The following PIK3C3 variants were observed in gnomAD, a reference collection of about 807,000 sequenced individuals.
PIK3C3 encodes the protein PI3-kinase type 3.
PIK3C3 carries 95 observed loss-of-function variants against 126.1 expected under a neutral mutation model. The ratio of observed to expected loss-of-function variants is 0.75; its 90% CI spans 0.64 to 0.89. The LOEUF (loss-of-function observed/expected upper bound fraction) is 0.89, where lower values mean the gene tolerates loss of function less well. Ranked by LOEUF, PIK3C3 falls within the 40% of genes least tolerant of loss-of-function variation. The pLI is 0.00. For synonymous variants in PIK3C3, 374 were observed against 360.0 expected, an observed-to-expected ratio of 1.04 and a Z score of -0.44; for missense variants, 829 against 1,063.2, an observed-to-expected ratio of 0.78 and a Z score of 3.06.
intron 20 of PIK3C3, among the ~76,000 whole-genome samples, chr18:42,049,005 A>C (rs1225759354): frequency 1.3e-5 from 2 of 152,214 alleles, no homozygotes; most frequent in Non-Finnish European, 2.9e-5. Context: ...CTTTGCCTTT[A>C]GCCTTGATCA....
At chr18:42,064,678 T>C in intron 22 of PIK3C3, 62 bp from the exon 23 acceptor site, 2 of 784,894 alleles carry the variant, frequency 2.5e-6, no homozygotes, top group Non-Finnish European at 4.5e-6. Context: ...GTATTCTTAA[T>C]ATGAGAAAGA....
At chr18:42,067,734 A>T (rs764430588) in intron 24 of PIK3C3, among the ~76,000 whole-genome samples, 67 of 152,222 alleles carry the variant, frequency 4.4e-4, no homozygotes, top group Non-Finnish European at 8.4e-4. Context: ...GAGCACCAGC[A>T]TAGGTATTTT....
chr18:42,058,032 GC>G lies in PIK3C3; in HGVS notation c.2414del (p.Ala805ValfsTer11), dbSNP rs780374511. 1.3e-6 allele frequency: 2 copies of G among 1,586,376 alleles called. No homozygotes were observed. Among genetic ancestry groups the G allele is most frequent in the Non-Finnish European group, 1.7e-6 (2 of 1,167,936 alleles). On this transcript the variant is annotated frameshift_variant, in exon 22 of 25. Coordinates refer to ENST00000262039, the MANE Select transcript of PIK3C3 (RefSeq NM_002647.4). LOFTEE classifies it high-confidence loss of function. Reference protein sequence around the residue: ...YQEFRKQCYTAFLHLRRYSNL... With the variant: ...YQEFRKQCYTXFLHLRRYSNL... ...AGAGTTCCGTAAACAGTGTTACACG[GC>G]TTTCCTCCACCTGCGAAGGTAAGTT...
In PIK3C3 at chr18:42,085,648, A is replaced by G. The variant is rs1423384096; in HGVS notation, c.*4511A>G. The G allele has an allele frequency of 6.6e-6, 1 of 152,240 alleles. No homozygotes were observed. 9.4% of individuals were successfully genotyped at this position (152,240 alleles called of 1,614,324 possible). ...TTTTCTGTTGGTCTAATTTTACCAA[A>G]TAACCCCCTAAATAAGAAGTCTGAT... On this transcript the variant is annotated 3_prime_UTR_variant, in exon 25 of 25. Coordinates refer to ENST00000262039, the MANE Select transcript of PIK3C3 (RefSeq NM_002647.4).
chr18:42,018,447 G>T (rs1983174426), intron 12 of PIK3C3, among the ~76,000 whole-genome samples: 1 of 152,010 alleles, frequency 6.6e-6, no homozygotes. Flanking sequence ...AGAAACTTTA[G>T]GCCTATATTC....
intron 13 of PIK3C3, among the ~76,000 whole-genome samples, chr18:42,023,118 T>C (rs1983400312): frequency 6.6e-6 from 1 of 152,236 alleles, no homozygotes; most frequent in Non-Finnish European, 1.5e-5. Flanking sequence ...TTAGAGATAT[T>C]TTTGTTTCCT....
chr18:41,987,908 A>G lies in PIK3C3; in HGVS notation c.618+10A>G, dbSNP rs1199925204. 1.4e-6 allele frequency: 2 copies of G among 1,435,812 alleles called. No homozygotes were observed. The highest frequency in any genetic ancestry group is 2.0e-5 in the Admixed American group (1 of 50,570). The allele number at this position is 1,435,812 out of a possible 1,614,324, so 88.9% of individuals were successfully genotyped here. A position where few individuals can be genotyped will look rare whatever the true frequency, so the allele number is the denominator to read the frequency against. Reference sequence around the variant, plus strand: ...AGAAATGATAAATGAGGTGGGTTATATCACTCTTTTATTTTAAAATATTTT... The same window carrying G: ...AGAAATGATAAATGAGGTGGGTTATGTCACTCTTTTATTTTAAAATATTTT... On this transcript the variant is annotated intron_variant, in intron 5 of 24. Coordinates refer to ENST00000262039, the MANE Select transcript of PIK3C3 (RefSeq NM_002647.4).
Position 42,083,043 on chromosome 18 carries a change from T to C in PIK3C3, c.*1906T>C, listed in dbSNP as rs998759153. ...GGATAAACCTTTCTAGGAAGGTTGA[T>C]GCGTGTTGGGTGAGGAAGGAGCATC... On this transcript the variant is annotated 3_prime_UTR_variant, in exon 25 of 25. Coordinates refer to ENST00000262039, the MANE Select transcript of PIK3C3 (RefSeq NM_002647.4). 6.6e-6 allele frequency: 1 copy of C among 152,186 alleles called. No homozygotes were observed. The highest frequency in any genetic ancestry group is 2.4e-5 in the African/African-American group (1 of 41,446). 9.4% of individuals were successfully genotyped at this position (152,186 alleles called of 1,614,324 possible). A position where few individuals can be genotyped will look rare whatever the true frequency, so the allele number is the denominator to read the frequency against.
chr18:42,067,252 C>G, intron 23 of PIK3C3, 136 bp from the exon 24 acceptor site: 1 of 743,604 alleles, frequency 1.3e-6, no homozygotes, highest in Non-Finnish European at 2.2e-6. Flanking sequence ...ATTCAGAATT[C>G]TAATAAGTTA....
intron 17 of PIK3C3, among the ~76,000 whole-genome samples, chr18:42,038,518 T>G (rs892141390): frequency 1.3e-5 from 2 of 151,856 alleles, no homozygotes; most frequent in Non-Finnish European, 2.9e-5. Context: ...ATTTTTTGTA[T>G]TTTTTAGTAG....
At chr18:41,970,154 A>T (rs1394137808) in intron 3 of PIK3C3, among the ~76,000 whole-genome samples, 173 bp from the exon 4 acceptor site, 1 of 152,190 alleles carries the variant, frequency 6.6e-6, no homozygotes, top group Non-Finnish European at 1.5e-5. Flanking sequence ...AAGCAGTGTG[A>T]CATGGATTTT....
At chr18:42,061,018 C>T (rs904088113) in intron 22 of PIK3C3, among the ~76,000 whole-genome samples, 3 of 152,130 alleles carry the variant, frequency 2.0e-5, no homozygotes, top group Non-Finnish European at 2.9e-5. Context: ...CTATAAGAAC[C>T]TCAATGTAGT....
chr18:41,955,234 A>G lies in PIK3C3; in HGVS notation c.-58A>G. 2.1e-6 allele frequency: 3 copies of G among 1,425,692 alleles called. No individual in the cohort carries two copies. The highest frequency in any genetic ancestry group is 2.9e-6 in the Non-Finnish European group (3 of 1,017,584). The allele number at this position is 1,425,692 out of a possible 1,614,324, so 88.3% of individuals were successfully genotyped here. A position where few individuals can be genotyped will look rare whatever the true frequency, so the allele number is the denominator to read the frequency against. ...GTTGTGGGGCTCAGCTGGTTCATTT[A>G]TGTTGTTTTTCCTGTACCTAAGTTC... On this transcript the variant is annotated 5_prime_UTR_variant, in exon 1 of 25. The change abolishes an upstream ATG in the 5' untranslated region. Coordinates refer to ENST00000262039, the MANE Select transcript of PIK3C3 (RefSeq NM_002647.4).
chr18:42,033,786 T>G, intron 15 of PIK3C3, 40 bp from the exon 16 acceptor site: 3 of 1,466,672 alleles, frequency 2.0e-6, no homozygotes, highest in Non-Finnish European at 2.8e-6. Context: ...TAAACTACTC[T>G]TCTATTTTAA....
chr18:42,072,749 G>T (rs650586), intron 24 of PIK3C3, among the ~76,000 whole-genome samples: 49,552 of 151,828 alleles, frequency 0.33, 8,783 homozygotes, highest in African/African-American at 0.46. Flanking sequence ...TTGCCCAAGC[G>T]GTTCTCAAAC....
intron 24 of PIK3C3, among the ~76,000 whole-genome samples, chr18:42,068,577 T>C (rs896934195): frequency 7.2e-5 from 11 of 152,204 alleles, no homozygotes; most frequent in East Asian, 3.8e-4. Context: ...CTTGCACTTA[T>C]GTTTTGCTTT....
intron 12 of PIK3C3, among the ~76,000 whole-genome samples, chr18:42,018,494 G>A (rs935525299): frequency 2.6e-5 from 4 of 152,042 alleles, no homozygotes; most frequent in Non-Finnish European, 5.9e-5. Context: ...TTATATAATG[G>A]CTTCCTGATT....
intron 24 of PIK3C3, among the ~76,000 whole-genome samples, chr18:42,073,411 A>G (rs1345246587): frequency 6.6e-6 from 1 of 152,202 alleles, no homozygotes; most frequent in African/African-American, 2.4e-5. Context: ...TGGTGTGGTT[A>G]TTCTGCTTGA....
At chr18:42,047,291 A>G (rs934224233) in intron 20 of PIK3C3, among the ~76,000 whole-genome samples, 3 of 152,204 alleles carry the variant, frequency 2.0e-5, no homozygotes, top group African/African-American at 7.2e-5. Context: ...GCTTGTCTTC[A>G]TATGCACATT....
Sources: allele counts gnomAD v4.1 joint callset (sites outside exome capture counted in the v4.1 genomes callset), GRCh38; gene constraint gnomAD v4.1.1; transcripts MANE v1.5; gene names NCBI Gene and HGNC (gene_info 2026-07-23, HGNC 2026-07-21).